Variants in OC90 observed in about 807,000 individuals in gnomAD.
The protein encoded by OC90 is otoconin 90.
OC90 carries 46 observed loss-of-function variants against 47.3 expected under a neutral mutation model. The ratio of observed to expected loss-of-function variants is 0.97; its 90% confidence interval spans 0.77 to 1.24. The LOEUF (loss-of-function observed/expected upper bound fraction) is 1.24. Ranked by LOEUF, OC90 falls within the 50% of genes most tolerant of loss-of-function variation. The pLI is 0.00. For synonymous variants in OC90, 271 were observed against 219.5 expected (o/e 1.23, Z -2.07); for missense variants, 688 against 583.9 (o/e 1.18, Z -1.84).
intron 2 of OC90, among the ~76,000 whole-genome samples, chr8:132,048,405 G>T (rs1273891781): frequency 6.7e-6 from 1 of 150,058 alleles, no homozygotes; most frequent in South Asian, 2.1e-4. Flanking sequence ...AGCAATTTGG[G>T]ATGGTTGGAG....
At chr8:132,026,740 T>C (rs773661459) in intron 13 of OC90, among the ~76,000 whole-genome samples, 3 of 152,178 alleles carry the variant, frequency 2.0e-5, no homozygotes, top group Non-Finnish European at 4.4e-5. Flanking sequence ...GCCCAGCAGG[T>C]GAGACCTCCT....
intron 2 of OC90, chr8:132,049,920 T>A: frequency 2.0e-6 from 1 of 488,024 alleles, no homozygotes; most frequent in Non-Finnish European, 4.3e-6. Context: ...ACTATTTGTA[T>A]AAATGGATGT....
intron 4 of OC90, among the ~76,000 whole-genome samples, chr8:132,042,864 T>C (rs1381639469): frequency 6.6e-6 from 1 of 152,194 alleles, no homozygotes; most frequent in Non-Finnish European, 1.5e-5. Flanking sequence ...TGGAGATTTC[T>C]CAAATAACCT....
intron 13 of OC90, among the ~76,000 whole-genome samples, chr8:132,028,840 A>C: frequency 6.7e-6 from 1 of 150,122 alleles, no homozygotes; most frequent in Non-Finnish European, 1.5e-5. Flanking sequence ...AAAGAAAGAA[A>C]AGGAAAGAAG....
chr8:132,033,009 G>T, intron 11 of OC90, 30 bp downstream of exon 11: 1 of 1,600,184 alleles, frequency 6.2e-7, no homozygotes. Context: ...GATCCCAGCA[G>T]CGGAGAGGAC....
At chr8:132,045,639 G>A (rs1823120943) in intron 3 of OC90, among the ~76,000 whole-genome samples, 179 bp downstream of exon 3, 1 of 152,160 alleles carries the variant, frequency 6.6e-6, no homozygotes, top group South Asian at 2.1e-4. Flanking sequence ...GAAAAAGGTT[G>A]GGCCAGACAC....
At chr8:132,051,987 C>A (rs905266912) in intron 2 of OC90, among the ~76,000 whole-genome samples, 1 of 152,122 alleles carries the variant, frequency 6.6e-6, no homozygotes, top group Non-Finnish European at 1.5e-5. Flanking sequence ...GTGGCCTAAA[C>A]AAAACAGGCT....
chr8:132,046,563 G>T (rs561931660), intron 2 of OC90, among the ~76,000 whole-genome samples: 2 of 152,196 alleles, frequency 1.3e-5, no homozygotes, highest in Non-Finnish European at 2.9e-5. Flanking sequence ...CATGCTGGGG[G>T]TGTGAAGATG....
chr8:132,034,888 T>G, intron 9 of OC90, 54 bp from the exon 10 acceptor site: 1 of 1,446,246 alleles, frequency 6.9e-7, no homozygotes, highest in Non-Finnish European at 9.7e-7. Flanking sequence ...CTGTCCCACC[T>G]GGGTTTCCAG....
chr8:132,042,051 C>T (rs1236066050), intron 4 of OC90, among the ~76,000 whole-genome samples: 1 of 151,972 alleles, frequency 6.6e-6, no homozygotes, highest in Non-Finnish European at 1.5e-5. Flanking sequence ...GCCAAAAAAC[C>T]TTAAGGGAAA....
intron 4 of OC90, among the ~76,000 whole-genome samples, chr8:132,043,745 C>T (rs1823091687): frequency 6.6e-6 from 1 of 152,220 alleles, no homozygotes; most frequent in Non-Finnish European, 1.5e-5. Flanking sequence ...CAACACTAAG[C>T]TTTATGCATG....
intron 13 of OC90, among the ~76,000 whole-genome samples, chr8:132,028,356 G>T (rs1822792077): frequency 1.3e-5 from 2 of 151,822 alleles, no homozygotes; most frequent in Admixed American, 6.6e-5. Context: ...ACAAAAATTA[G>T]CTGGACATGG....
rs554057844 is a variant in OC90, at chr8:132,027,341, T to TGA, written c.1138+1730_1138+1731dup. On this transcript the variant is annotated intron_variant, in intron 13 of 13. Transcript: ENST00000254627. ...ATGAACGGATGAATGAGTGAATGAA[T>TGA]GAGAGAGTGATATGTAAACACAAAG... 4.9e-3 allele frequency among the ~76,000 whole-genome samples: 747 copies of TGA among 152,254 alleles called. 10 individuals are homozygous for TGA. Among genetic ancestry groups the TGA allele is most frequent in the African/African-American group, 0.017 (723 of 41,542 alleles).
At chr8:132,027,170 T>A (rs978464426) in intron 13 of OC90, among the ~76,000 whole-genome samples, 1 of 152,214 alleles carries the variant, frequency 6.6e-6, no homozygotes, top group Non-Finnish European at 1.5e-5. Context: ...GTGCTAACTG[T>A]TAGTACATAC....
Position 132,024,535 on chromosome 8 carries a change from C to G in OC90, c.1380G>C (p.Arg460Ser). ...PPQEDLGRAK[R>S]FLRKSLGPLG... Reference sequence around the variant, plus strand: ...AGGGACCCAGTGACTTCCGCAGAAACCTCTTGGCTCTGCCGAGGTCCTCCT... The same window carrying G: ...AGGGACCCAGTGACTTCCGCAGAAAGCTCTTGGCTCTGCCGAGGTCCTCCT... The change falls in exon 14 of 14, where the codon AGG becomes AGC. Residue 460 changes from arginine to serine, a missense_variant. Arg to Ser is a moderately radical substitution (Grantham distance 110). Coordinates refer to ENST00000254627, the MANE Select transcript of OC90 (RefSeq NM_001080399.3). 6.2e-7 allele frequency: 1 copy of G among 1,604,166 alleles called. No homozygotes were observed. The highest frequency in any genetic ancestry group is 8.5e-7 in the Non-Finnish European group (1 of 1,173,582).
chr8:132,030,039 A>G (rs1372906043), intron 12 of OC90, among the ~76,000 whole-genome samples: 1 of 152,188 alleles, frequency 6.6e-6, no homozygotes, highest in East Asian at 1.9e-4. Flanking sequence ...CATTGCTAGC[A>G]ATCAGAGGAA....
chr8:132,041,287 A>G (rs1823049373), intron 5 of OC90, 131 bp from the exon 6 acceptor site: 4 of 678,836 alleles, frequency 5.9e-6, no homozygotes, highest in Non-Finnish European at 7.7e-6. Flanking sequence ...GTGCACTAAA[A>G]TGAAGTTTTG....
chr8:132,034,763 G>A lies in OC90; in HGVS notation c.733+18C>T, dbSNP rs373896073. 1 of 1,582,110 alleles carries A rather than the reference G, an allele frequency of 6.3e-7. No homozygotes were observed. The highest frequency in any genetic ancestry group is 8.7e-7 in the Non-Finnish European group (1 of 1,152,858). On this transcript the variant is annotated intron_variant, in intron 10 of 13. Coordinates refer to ENST00000254627, the MANE Select transcript of OC90 (RefSeq NM_001080399.3). ...AAATGTGTCATGAACATAGGCAGGT[G>A]GAGCCCAGTAGGCTTACCTGGAGGG...
At chr8:132,052,937 A>G (rs553698323) in intron 2 of OC90, among the ~76,000 whole-genome samples, 1 of 152,248 alleles carries the variant, frequency 6.6e-6, no homozygotes, top group Admixed American at 6.5e-5. Context: ...GCTTTCCTTG[A>G]TCTGGCCCCT....
Sources: gnomAD v4.1 joint callset for allele counts (sites outside exome capture counted in the v4.1 genomes callset) on GRCh38, gnomAD v4.1.1 for gene constraint, MANE v1.5 for transcripts, NCBI Gene and HGNC (gene_info 2026-07-23, HGNC 2026-07-21) for gene names.